Variants in XPO7 observed in about 807,000 individuals in gnomAD.
XPO7 encodes exportin-7.
In XPO7, 21 loss-of-function variants were observed where a neutral mutation model predicts 144.3. The ratio of observed to expected loss-of-function variants is 0.15; its 90% CI spans 0.10 to 0.21. The LOEUF is 0.21. XPO7 is among the 10% of genes least tolerant of loss of function. The probability of loss-of-function intolerance (pLI) is 1.00; values close to 1 mark genes in which losing one functional copy is unlikely to be tolerated. For synonymous variants in XPO7, 580 were observed against 499.6 expected (o/e 1.16, Z -2.15); for missense variants, 808 against 1,325.8 (o/e 0.61, Z 6.06).
At chr8:21,937,633 TA>T (rs1406794766) in intron 1 of XPO7, among the ~76,000 whole-genome samples, 1 of 152,188 alleles carries the variant, frequency 6.6e-6, no homozygotes, top group Non-Finnish European at 1.5e-5. Context: ...CATCAATTAT[TA>T]AAAGGTTCAC....
At chr8:21,920,165 ACT>A (rs1810226111) in intron 1 of XPO7, among the ~76,000 whole-genome samples, 1 of 114,558 alleles carries the variant, frequency 8.7e-6, no homozygotes, top group Non-Finnish European at 1.7e-5. Context: ...TGCTGACTTT[ACT>A]GAGGGGGACG....
chr8:21,936,795 A>C (rs1162790275), intron 1 of XPO7, among the ~76,000 whole-genome samples: 7 of 151,418 alleles, frequency 4.6e-5, no homozygotes, highest in Non-Finnish European at 7.4e-5. Context: ...TGAAACACTC[A>C]CTCCTTTATA....
chr8:21,949,058 G>A (rs941587455), intron 1 of XPO7, among the ~76,000 whole-genome samples: 6 of 152,170 alleles, frequency 3.9e-5, no homozygotes, highest in Admixed American at 6.5e-5. Flanking sequence ...GTTTCCACAA[G>A]TGAACTTAGT....
intron 6 of XPO7, 83 bp from the exon 7 acceptor site, chr8:21,976,272 TG>T: frequency 6.7e-7 from 1 of 1,483,670 alleles, no homozygotes; most frequent in South Asian, 1.3e-5. Context: ...CCTCCTTTTC[TG>T]ACTTAACAGC....
At chr8:21,928,632 A>C (rs1161065110) in intron 1 of XPO7, among the ~76,000 whole-genome samples, 1 of 152,164 alleles carries the variant, frequency 6.6e-6, no homozygotes, top group African/African-American at 2.4e-5. Context: ...TAACATGTTG[A>C]GTATCTCTTC....
chr8:21,987,188 G>A lies in XPO7; in HGVS notation c.1625G>A (p.Gly542Asp). 6.2e-7 allele frequency: 1 copy of A among 1,614,030 alleles called. No homozygotes were observed. Residue 542 changes from glycine (G) to aspartate (D), a missense_variant, in exon 14 of 28, where the codon GGT (glycine) becomes GAT (aspartate). Gly to Asp is a moderately conservative substitution (Grantham distance 94). Around this residue, in one of 5 missense-constraint regions of XPO7, gnomAD observed 416 missense variants for 612.5 expected, o/e 0.68. Coordinates refer to ENST00000252512, the MANE Select transcript of XPO7 (RefSeq NM_015024.5). ...NLTDSRLAQA[G>D]NEKLELAMLS... is the part of the protein sequence containing the mutation. The stretch of plus-strand genomic sequence containing the variant: ...ACAGATTCTCGTTTGGCCCAGGCGG[G>A]TAATGAGAAGCTAGAGTTGGCCATG...
chr8:21,974,745 T>C lies in XPO7; in HGVS notation c.568T>C (p.Phe190Leu). Residue 190 changes from phenylalanine (F) to leucine (L), a missense_variant, in exon 6 of 28, where the codon TTC (phenylalanine) becomes CTC (leucine). By Grantham distance (22) the Phe-to-Leu change is conservative (BLOSUM62 0). Coordinates refer to ENST00000252512, the MANE Select transcript of XPO7 (RefSeq NM_015024.5). Reference protein sequence around the residue: ...SFRDSSLFDIFTLSCNLLKQA... With the variant: ...SFRDSSLFDILTLSCNLLKQA... ...TCGCGATTCATCATTATTTGATATCTTCACACTTTCCTGCAATTTACTAAA... is the reference window on the plus strand; with the variant it reads ...TCGCGATTCATCATTATTTGATATCCTCACACTTTCCTGCAATTTACTAAA... 6.3e-7 allele frequency: 1 copy of C among 1,581,250 alleles called. No homozygotes were observed. Among genetic ancestry groups the C allele is most frequent in the Non-Finnish European group, 8.6e-7 (1 of 1,162,526 alleles).
intron 1 of XPO7, among the ~76,000 whole-genome samples, chr8:21,937,973 C>G (rs1810874468): frequency 6.6e-6 from 1 of 151,992 alleles, no homozygotes; most frequent in South Asian, 2.1e-4. Flanking sequence ...TATTTATGAG[C>G]CTTTCATATC....
At chr8:21,947,418 G>A (rs1811227569) in intron 1 of XPO7, among the ~76,000 whole-genome samples, 1 of 152,098 alleles carries the variant, frequency 6.6e-6, no homozygotes, top group Non-Finnish European at 1.5e-5. Flanking sequence ...GGACAGAGGG[G>A]TCTGAGGTAT....
At chr8:21,958,417 G>A (rs1265946693) in intron 1 of XPO7, among the ~76,000 whole-genome samples, 1 of 152,108 alleles carries the variant, frequency 6.6e-6, no homozygotes, top group Non-Finnish European at 1.5e-5. Flanking sequence ...TGATTTATTA[G>A]CGTTAAACTA....
At chr8:21,934,967 T>A (rs908459349) in intron 1 of XPO7, among the ~76,000 whole-genome samples, 1 of 152,216 alleles carries the variant, frequency 6.6e-6, no homozygotes, top group African/African-American at 2.4e-5. Context: ...TCTGTGTGAT[T>A]AATGAAGAAA....
chr8:21,994,940 G>T (rs868360704), intron 20 of XPO7, among the ~76,000 whole-genome samples: 2 of 152,160 alleles, frequency 1.3e-5, no homozygotes, highest in Middle Eastern at 3.4e-3. Flanking sequence ...TGTAGTCCCA[G>T]ATACTTGGGA....
chr8:21,982,929 T>C, intron 11 of XPO7, 117 bp downstream of exon 11: 1 of 1,263,002 alleles, frequency 7.9e-7, no homozygotes, highest in Non-Finnish European at 1.1e-6. Flanking sequence ...GAGCCACTAC[T>C]GTTCATGGTT....
chr8:21,991,271 C>G (rs926047712), intron 18 of XPO7, among the ~76,000 whole-genome samples: 1 of 152,204 alleles, frequency 6.6e-6, no homozygotes, highest in Non-Finnish European at 1.5e-5. Flanking sequence ...AAACAGTCAA[C>G]ACCACTTTTT....
chr8:21,986,095 C>A (rs1487262272), intron 13 of XPO7, among the ~76,000 whole-genome samples: 2 of 150,482 alleles, frequency 1.3e-5, no homozygotes, highest in Non-Finnish European at 3.0e-5. Flanking sequence ...CCATACATTT[C>A]AAGTTATTTT....
intron 1 of XPO7, among the ~76,000 whole-genome samples, chr8:21,951,262 C>T (rs778303624): frequency 2.6e-5 from 4 of 151,428 alleles, no homozygotes; most frequent in African/African-American, 9.7e-5. Context: ...TGGTTAAGTA[C>T]GTCTTTTTTT....
intron 25 of XPO7, 89 bp from the exon 26 acceptor site, chr8:22,003,130 C>G (rs1813209257): frequency 1.0e-6 from 1 of 981,912 alleles, no homozygotes; most frequent in Non-Finnish European, 1.5e-6. Flanking sequence ...GGCCTTCAGC[C>G]TAATATACTC....
At position 21,990,403 on chromosome 8, in the gene XPO7, A is replaced by G; in HGVS notation, c.1928A>G (p.His643Arg). The stretch of plus-strand genomic sequence containing the variant: ...GCGGTACAGTTCATGCTGAACAATC[A>G]CACGGTGAGTGATTTTAGCTTTTTT... Reference protein sequence around the residue: ...LSAVQFMLNNHTSEHFSFLGI... With the variant: ...LSAVQFMLNNRTSEHFSFLGI... Residue 643 changes from histidine (H) to arginine (R), a missense_variant, in exon 17 of 28, where the codon CAC (histidine) becomes CGC (arginine). Coordinates refer to ENST00000252512, the MANE Select transcript of XPO7 (RefSeq NM_015024.5). 2 of 1,613,624 alleles carry G rather than the reference A, an allele frequency of 1.2e-6. No homozygotes were observed. Among genetic ancestry groups the G allele is most frequent in the Non-Finnish European group, 1.7e-6 (2 of 1,179,606 alleles).
chr8:21,952,181 G>C lies in XPO7; in HGVS notation c.19-14676G>C, dbSNP rs867773420. Among the ~76,000 whole-genome samples, 6 of 152,220 alleles carry C rather than the reference G, an allele frequency of 3.9e-5. No individual in the cohort carries two copies. In the East Asian group the frequency reaches 5.8e-4, roughly 15 times the overall value. On this transcript the variant is annotated intron_variant, in intron 1 of 27. Transcript: ENST00000252512. Reference sequence around the variant, plus strand: ...CAAGCTTGTAAATGAAAACTATTAGGAATATTCAAAAATAAATGTATTGCT... The same window carrying C: ...CAAGCTTGTAAATGAAAACTATTAGCAATATTCAAAAATAAATGTATTGCT...
Sources: allele counts gnomAD v4.1 joint callset (sites outside exome capture counted in the v4.1 genomes callset), GRCh38; gene constraint gnomAD v4.1.1; regional missense constraint gnomAD v4.1.1; transcripts MANE v1.5; gene names NCBI Gene and HGNC (gene_info 2026-07-23, HGNC 2026-07-21).